Variants in HHAT observed in about 807,000 individuals in gnomAD.
HHAT encodes protein-cysteine N-palmitoyltransferase HHAT.
Under a neutral mutation model 70.8 loss-of-function variants are expected in HHAT, and 47 were observed. That is an observed-to-expected ratio of 0.66 (90% CI 0.53 to 0.85). The LOEUF is 0.85. Ranked by LOEUF, HHAT falls within the 40% of genes least tolerant of loss-of-function variation. The pLI is 0.00. For synonymous variants in HHAT, 228 were observed against 247.6 expected, an observed-to-expected ratio of 0.92 and a Z score of 0.74; for missense variants, 609 against 604.8, an observed-to-expected ratio of 1.01 and a Z score of -0.07.
chr1:210,353,273 C>T (rs1408531682), intron 2 of HHAT, among the ~76,000 whole-genome samples: 1 of 152,098 alleles, frequency 6.6e-6, no homozygotes, highest in African/African-American at 2.4e-5. Flanking sequence ...TGCAATGTAC[C>T]ATGCATCAGA....
chr1:210,628,892 CT>C (rs1239699322), intron 11 of HHAT, among the ~76,000 whole-genome samples: 1 of 152,164 alleles, frequency 6.6e-6, no homozygotes, highest in Non-Finnish European at 1.5e-5. Flanking sequence ...AATTTCATTT[CT>C]GATGAAAGAG....
rs573610611 is a variant in HHAT at position 210,601,937 on chromosome 1, C to G, written c.1245+13838C>G. ...TGGAGCCATGAGAATATTTGAGACT[C>G]AGAGAGAGAGAGAGAGAGAGTATGT... On this transcript the variant is annotated intron_variant, in intron 10 of 11. Coordinates refer to ENST00000261458, the MANE Select transcript of HHAT (RefSeq NM_018194.6). Among the ~76,000 whole-genome samples the G allele has an allele frequency of 1.4e-3, 210 of 147,336 alleles. 1 individual carries two copies. Among genetic ancestry groups the G allele is most frequent in the African/African-American group, 5.0e-3 (197 of 39,574 alleles).
intron 5 of HHAT, 121 bp from the exon 6 acceptor site, chr1:210,404,343 C>A: frequency 1.4e-6 from 1 of 703,848 alleles, no homozygotes; most frequent in Non-Finnish European, 2.4e-6. Flanking sequence ...GAAGAAATTG[C>A]CTTCCCAGAG....
At chr1:210,552,237 A>G (rs1286517062) in intron 9 of HHAT, among the ~76,000 whole-genome samples, 1 of 152,220 alleles carries the variant, frequency 6.6e-6, no homozygotes, top group Non-Finnish European at 1.5e-5. Flanking sequence ...GGAATTTTCC[A>G]GGTAGATTCT....
intron 2 of HHAT, among the ~76,000 whole-genome samples, chr1:210,362,468 G>A (rs760350656): frequency 1.9e-4 from 29 of 152,080 alleles, no homozygotes; most frequent in Non-Finnish European, 1.6e-4. Flanking sequence ...CTTGTAATCC[G>A]CCCGTCTTGG....
intron 4 of HHAT, among the ~76,000 whole-genome samples, chr1:210,388,752 GT>G (rs943734082): frequency 5.3e-5 from 8 of 151,058 alleles, no homozygotes; most frequent in Non-Finnish European, 7.4e-5. Context: ...TTTCTGTTTA[GT>G]TTTTTTTTCC....
intron 4 of HHAT, among the ~76,000 whole-genome samples, chr1:210,398,710 G>C (rs2091920216): frequency 6.6e-6 from 1 of 152,132 alleles, no homozygotes; most frequent in Non-Finnish European, 1.5e-5. Flanking sequence ...GAATTCCATT[G>C]GTAAATGCTG....
At chr1:210,330,069 G>A (rs970617921) in intron 1 of HHAT, among the ~76,000 whole-genome samples, 1 of 152,182 alleles carries the variant, frequency 6.6e-6, no homozygotes, top group Non-Finnish European at 1.5e-5. Context: ...TCAGAGCTAA[G>A]GACCTATTTC....
At chr1:210,516,175 T>C (rs1297067905) in intron 9 of HHAT, among the ~76,000 whole-genome samples, 1 of 152,148 alleles carries the variant, frequency 6.6e-6, no homozygotes, top group Non-Finnish European at 1.5e-5. Flanking sequence ...GTAAGAACTG[T>C]TTCACTGGGA....
chr1:210,544,855 GCA>G (rs1298281824), intron 9 of HHAT, among the ~76,000 whole-genome samples: 1 of 152,052 alleles, frequency 6.6e-6, no homozygotes, highest in Non-Finnish European at 1.5e-5. Context: ...TCCATTACAT[GCA>G]CCAGATGGCA....
chr1:210,474,618 A>G (rs902736585), intron 8 of HHAT, among the ~76,000 whole-genome samples: 3 of 152,130 alleles, frequency 2.0e-5, no homozygotes, highest in Admixed American at 2.0e-4. Context: ...AGCGGCATGC[A>G]TTCCAGGTTC....
At chr1:210,592,695 T>C (rs1424178488) in intron 10 of HHAT, among the ~76,000 whole-genome samples, 1 of 152,132 alleles carries the variant, frequency 6.6e-6, no homozygotes, top group Admixed American at 6.6e-5. Context: ...TTTTGTGTCC[T>C]CTTCGATTTC....
chr1:210,431,731 T>C (rs2093249324), intron 7 of HHAT, among the ~76,000 whole-genome samples: 1 of 151,798 alleles, frequency 6.6e-6, no homozygotes, highest in Non-Finnish European at 1.5e-5. Flanking sequence ...TCCAGGTTAC[T>C]ATGGGGAAGA....
intron 9 of HHAT, among the ~76,000 whole-genome samples, chr1:210,570,611 G>T (rs757562575): frequency 6.6e-6 from 1 of 152,168 alleles, no homozygotes; most frequent in Non-Finnish European, 1.5e-5. Context: ...GGAGCAGAAG[G>T]ATAGGCATCA....
intron 7 of HHAT, among the ~76,000 whole-genome samples, chr1:210,418,601 A>G (rs2092797493): frequency 6.6e-6 from 1 of 152,314 alleles, no homozygotes; most frequent in Middle Eastern, 3.4e-3. Context: ...CTGGGTCCAC[A>G]TCTTCACAGC....
intron 11 of HHAT, among the ~76,000 whole-genome samples, chr1:210,638,722 C>A (rs201170167): frequency 0.012 from 1,112 of 95,042 alleles, no homozygotes; most frequent in South Asian, 0.023. Context: ...CCTGTATTTA[C>A]AAAAAAAAAA....
intron 8 of HHAT, among the ~76,000 whole-genome samples, chr1:210,494,899 G>A (rs2094610687): frequency 6.6e-6 from 1 of 152,112 alleles, no homozygotes; most frequent in African/African-American, 2.4e-5. Context: ...AAAGTAAGGA[G>A]ATGTATGGCT....
intron 10 of HHAT, among the ~76,000 whole-genome samples, chr1:210,618,006 G>C (rs551098406): frequency 8.2e-4 from 125 of 152,310 alleles, no homozygotes; most frequent in African/African-American, 3.0e-3. Context: ...AGCACACATA[G>C]GATATGCGTG....
chr1:210,380,618 TA>T lies in HHAT; in HGVS notation c.160-6849del, dbSNP rs201140274. ...TTTGTTACAGGTAACCGTAGTGGCA[TA>T]TTGTGGGAGCATAGGCAAGGGACAC... On this transcript the variant is annotated intron_variant, in intron 3 of 11. Transcript: ENST00000261458. Among the ~76,000 whole-genome samples the T allele has an allele frequency of 7.5e-3, 1,144 of 152,216 alleles. 14 individuals are homozygous for T. The highest frequency in any genetic ancestry group is 0.026 in the African/African-American group (1,101 of 41,550).
Sources: gnomAD v4.1 joint callset for allele counts (sites outside exome capture counted in the v4.1 genomes callset) on GRCh38, gnomAD v4.1.1 for gene constraint, MANE v1.5 for transcripts, NCBI Gene and HGNC (gene_info 2026-07-23, HGNC 2026-07-21) for gene names.